Variants in CASK observed in about 807,000 individuals in gnomAD.
CASK encodes the protein peripheral plasma membrane protein CASK.
CASK carries 4 observed loss-of-function variants against 82.9 expected under a neutral mutation model. That is an observed-to-expected ratio of 0.05 (90% confidence interval 0.02 to 0.11). The LOEUF (loss-of-function observed/expected upper bound fraction) is 0.11, where lower values mean the gene tolerates loss of function less well. Among genes scored for constraint, CASK ranks in the 10% least tolerant of loss-of-function variants. The pLI, the probability that CASK is intolerant of heterozygous loss-of-function variation, is 1.00. For missense variants in CASK, 358 were observed against 720.9 expected, an observed-to-expected ratio of 0.50 and a Z score of 5.76; for synonymous variants, 259 against 253.5, an observed-to-expected ratio of 1.02 and a Z score of -0.20.
chrX:41,594,604 C>T (rs1436242686), intron 12 of CASK, among the ~76,000 whole-genome samples: 1 of 111,757 alleles, frequency 8.9e-6, no homozygotes, highest in Non-Finnish European at 1.9e-5. Context: ...GACTGGAGGC[C>T]GCCTGGGGCA....
In CASK at chrX:41,841,446, T is replaced by C. The variant is rs1435456582; in HGVS notation, c.172+11669A>G. 1.5e-4 allele frequency among the ~76,000 whole-genome samples: 17 copies of C among 110,443 alleles called. No homozygotes were observed. In the Admixed American group the frequency reaches 1.6e-3, roughly 10 times the overall value. On this transcript the variant is annotated intron_variant, in intron 2 of 26. Transcript: ENST00000378163. ...AGAGTTCTTTGTATATCTGAGATACTAGATTATCAAATATATGATTTGCAA... is the reference window on the plus strand; with the variant it reads ...AGAGTTCTTTGTATATCTGAGATACCAGATTATCAAATATATGATTTGCAA...
chrX:41,642,714 A>C (rs1241919429), intron 8 of CASK, among the ~76,000 whole-genome samples: 1 of 111,800 alleles, frequency 8.9e-6, no homozygotes, highest in African/African-American at 3.3e-5. Flanking sequence ...TCACTCTGAC[A>C]GTAGTTTATT....
intron 3 of CASK, among the ~76,000 whole-genome samples, chrX:41,772,906 C>G (rs770251370): frequency 5.4e-5 from 6 of 111,444 alleles, no homozygotes; most frequent in Non-Finnish European, 1.1e-4. Flanking sequence ...GAGGCTGAGG[C>G]AGGAGAATTG....
chrX:41,750,335 T>A (rs2068765864), intron 3 of CASK, among the ~76,000 whole-genome samples: 1 of 112,382 alleles, frequency 8.9e-6, no homozygotes, highest in Admixed American at 9.5e-5. Flanking sequence ...ATGACTCAAT[T>A]CTTTGATAAA....
intron 15 of CASK, among the ~76,000 whole-genome samples, chrX:41,576,291 A>G (rs1204590031): frequency 9.0e-6 from 1 of 111,135 alleles, no homozygotes; most frequent in Non-Finnish European, 1.9e-5. Context: ...CTATGTTTCT[A>G]TGTAGTGAGT....
chrX:41,671,314 G>T lies in CASK; in HGVS notation c.532+114C>A, dbSNP rs149954887. 0.013 allele frequency: 6,623 copies of T among 522,654 alleles called. 40 individuals carry two copies. The highest frequency in any genetic ancestry group is 0.019 in the Non-Finnish European group (5,346 of 287,847). The allele number at this position is 522,654 out of a possible 1,213,427, so 43.1% of individuals were successfully genotyped here. ...GATGATGCTTTTTGGGAGTTGGGGT[G>T]GGGTGGAATGAGGTATGAAACACTG... On this transcript the variant is annotated intron_variant, in intron 6 of 26. Transcript: ENST00000378163.
chrX:41,842,864 A>G (rs2071072762), intron 2 of CASK, among the ~76,000 whole-genome samples: 1 of 111,874 alleles, frequency 8.9e-6, no homozygotes, highest in African/African-American at 3.2e-5. Flanking sequence ...ATAGTTTTCC[A>G]TTTATTAGCC....
chrX:41,660,105 G>A, intron 8 of CASK: 2 of 290,983 alleles, frequency 6.9e-6, no homozygotes, highest in Non-Finnish European at 1.2e-5. Flanking sequence ...CCAAAATAAA[G>A]ATAGTTAATT....
intron 11 of CASK, among the ~76,000 whole-genome samples, chrX:41,615,138 G>A: frequency 8.9e-6 from 1 of 111,850 alleles, no homozygotes; most frequent in East Asian, 2.8e-4. Flanking sequence ...ATGCCTGCCA[G>A]GCTATTGGTA....
chrX:41,606,502 C>T (rs1279062169), intron 12 of CASK, among the ~76,000 whole-genome samples: 3 of 111,793 alleles, frequency 2.7e-5, no homozygotes, highest in Non-Finnish European at 5.6e-5. Flanking sequence ...ATCCGCCCGC[C>T]TTGGCCTCCC....
intron 4 of CASK, among the ~76,000 whole-genome samples, chrX:41,744,503 G>A (rs1359155594): frequency 1.8e-5 from 2 of 110,524 alleles, no homozygotes; most frequent in Non-Finnish European, 3.8e-5. Flanking sequence ...CCGCCACCAC[G>A]CCCGGCTAAT....
chrX:41,900,047 G>GTTT (rs749129389), intron 1 of CASK, among the ~76,000 whole-genome samples: 2 of 92,439 alleles, frequency 2.2e-5, no homozygotes, highest in African/African-American at 7.8e-5. Context: ...TTTTTGTTTT[G>GTTT]TTTTTTTTTT....
At chrX:41,549,399 C>T (rs1406328621) in intron 21 of CASK, among the ~76,000 whole-genome samples, 1 of 112,036 alleles carries the variant, frequency 8.9e-6, no homozygotes, top group Non-Finnish European at 1.9e-5. Context: ...TTCTTATCAT[C>T]TCAGTTAGAA....
chrX:41,914,646 A>G (rs1213972043), intron 1 of CASK, among the ~76,000 whole-genome samples: 1 of 112,567 alleles, frequency 8.9e-6, no homozygotes, highest in Non-Finnish European at 1.9e-5. Flanking sequence ...TTTGACACAT[A>G]CCAAGAACTT....
chrX:41,718,228 C>T (rs1487653242), intron 5 of CASK, among the ~76,000 whole-genome samples: 1 of 113,510 alleles, frequency 8.8e-6, no homozygotes, highest in Non-Finnish European at 1.9e-5. Context: ...CCTCTCTTCT[C>T]CCACACCTCA....
intron 26 of CASK, among the ~76,000 whole-genome samples, chrX:41,521,567 G>T (rs1404238195): frequency 9.0e-6 from 1 of 111,714 alleles, no homozygotes; most frequent in African/African-American, 3.3e-5. Context: ...CTACAGAGTG[G>T]CAGTTCTTTC....
chrX:41,770,313 T>TATTCATCC (rs2069213729), intron 3 of CASK, among the ~76,000 whole-genome samples: 1 of 95,904 alleles, frequency 1.0e-5, no homozygotes. Flanking sequence ...CCTACCTACC[T>TATTCATCC]ATCCATCCAT....
chrX:41,609,983 G>A lies in CASK; in HGVS notation c.1076C>T (p.Ala359Val), dbSNP rs762180439. ...QVLDSLEEIHALTDCSEKDLD... is the reference protein window; with the variant it reads ...QVLDSLEEIHVLTDCSEKDLD... ...GTCCTTTTCACTGCAGTCTGTAAGC[G>A]CATGAATCTCTTCCAGGCTGTCCAG... The change falls in exon 12 of 27, where the codon GCG (alanine) becomes GTG (valine). Residue 359 changes from alanine to valine, a missense_variant. Physicochemically the swap from Ala to Val is moderately conservative, Grantham distance 64. Coordinates refer to ENST00000378163, the MANE Select transcript of CASK (RefSeq NM_001367721.1). The A allele has an allele frequency of 4.1e-5, 49 of 1,207,393 alleles. 1 individual carries two copies. Among genetic ancestry groups the A allele is most frequent in the Non-Finnish European group, 5.2e-5 (46 of 892,717 alleles).
intron 2 of CASK, among the ~76,000 whole-genome samples, chrX:41,799,487 G>C (rs1026732858): frequency 9.0e-6 from 1 of 110,509 alleles, no homozygotes; most frequent in African/African-American, 3.3e-5. Flanking sequence ...GCCGGTTGCA[G>C]TGAGCTGAGA....
Sources: allele counts gnomAD v4.1 joint callset (sites outside exome capture counted in the v4.1 genomes callset), GRCh38; gene constraint gnomAD v4.1.1; transcripts MANE v1.5; gene names NCBI Gene and HGNC (gene_info 2026-07-23, HGNC 2026-07-21).